Variants in DNAH5 observed in about 807,000 individuals in gnomAD.
DNAH5 encodes the protein axonemal beta dynein heavy chain 5.
A neutral mutation model predicts 518.2 loss-of-function variants in DNAH5; 372 were observed. The ratio of observed to expected loss-of-function variants is 0.72; its 90% CI spans 0.66 to 0.78. The LOEUF is 0.78. Ranked by LOEUF, DNAH5 falls within the 30% of genes least tolerant of loss-of-function variation. DNAH5 has a pLI of 0.00. For synonymous variants in DNAH5, 2,039 were observed against 2,025.9 expected (o/e 1.01, Z -0.17); for missense variants, 5,523 against 5,687.0 (o/e 0.97, Z 0.93).
chr5:13,852,748 C>A (rs887803202), intron 30 of DNAH5, among the ~76,000 whole-genome samples: 2 of 152,064 alleles, frequency 1.3e-5, no homozygotes, highest in Admixed American at 6.5e-5. Context: ...TTAACAAAGC[C>A]GCAAAGAAGT....
intron 52 of DNAH5, among the ~76,000 whole-genome samples, chr5:13,784,217 T>C (rs951687395): frequency 1.1e-4 from 16 of 152,252 alleles, no homozygotes; most frequent in African/African-American, 3.9e-4. Context: ...AGGCTATTTG[T>C]CATGAAATTG....
At chr5:13,803,129 A>C (rs1759038130) in intron 47 of DNAH5, among the ~76,000 whole-genome samples, 1 of 152,156 alleles carries the variant, frequency 6.6e-6, no homozygotes, top group Non-Finnish European at 1.5e-5. Context: ...CTAGCACCTA[A>C]ATCATTTTTC....
chr5:13,971,966 G>A (rs1781902983), intron 1 of DNAH5, among the ~76,000 whole-genome samples: 1 of 152,142 alleles, frequency 6.6e-6, no homozygotes, highest in Admixed American at 6.5e-5. Flanking sequence ...GCGTGTCTGA[G>A]CTCAGACTCT....
intron 64 of DNAH5, among the ~76,000 whole-genome samples, 185 bp downstream of exon 64, chr5:13,751,949 A>G (rs1185147189): frequency 3.3e-5 from 5 of 152,186 alleles, no homozygotes; most frequent in Non-Finnish European, 7.3e-5. Flanking sequence ...AAGTGAAGTC[A>G]ATACTCCTAA....
chr5:13,761,375 C>T (rs143182951), intron 60 of DNAH5, among the ~76,000 whole-genome samples: 411 of 152,210 alleles, frequency 2.7e-3, no homozygotes, highest in South Asian at 7.9e-3. Context: ...GGGCGGATCA[C>T]GAGGTCAGGA....
At position 13,699,857 on chromosome 5, in the gene DNAH5, C is replaced by T. The variant is rs182116961; in HGVS notation, c.13723+783G>A. Among the ~76,000 whole-genome samples, 133 of 152,198 alleles carry T rather than the reference C, an allele frequency of 8.7e-4. 1 individual carries two copies. Among genetic ancestry groups the T allele is most frequent in the African/African-American group, 2.7e-3 (114 of 41,506 alleles). On this transcript the variant is annotated intron_variant, in intron 78 of 78. Transcript: ENST00000265104. ...GAGTTTATGGTTTATGCTTCTAAGA[C>T]GAACAGGGAATTCCCTCGTGTGCTG...
intron 1 of DNAH5, among the ~76,000 whole-genome samples, chr5:13,934,187 G>A (rs1778695567): frequency 6.6e-6 from 1 of 152,172 alleles, no homozygotes; most frequent in Admixed American, 6.5e-5. Context: ...AGACCACATG[G>A]AGGAGAACAA....
chr5:13,718,156 T>C lies in DNAH5; in HGVS notation c.12500-636A>G, dbSNP rs547540876. Among the ~76,000 whole-genome samples the C allele has an allele frequency of 8.3e-4, 126 of 152,330 alleles. 1 individual carries two copies. The highest frequency in any genetic ancestry group is 2.9e-3 in the African/African-American group (122 of 41,592). On this transcript the variant is annotated intron_variant, in intron 72 of 78. Transcript: ENST00000265104. ...GCAGGTTTTCCAGATTGAAATACAA[T>C]AATTATATTTATTATGGTTATCAAA...
intron 25 of DNAH5, among the ~76,000 whole-genome samples, chr5:13,866,544 C>T (rs778491503): frequency 6.6e-6 from 1 of 152,154 alleles, no homozygotes; most frequent in Non-Finnish European, 1.5e-5. Context: ...TTAGGTAACA[C>T]AGGGAAAGAG....
At chr5:13,963,160 C>G (rs527556109) in intron 1 of DNAH5, among the ~76,000 whole-genome samples, 10 of 152,176 alleles carry the variant, frequency 6.6e-5, no homozygotes, top group African/African-American at 1.9e-4. Flanking sequence ...TTTCTTCTTG[C>G]CAGAATAATT....
At chr5:13,914,242 A>G (rs1198104044) in intron 10 of DNAH5, among the ~76,000 whole-genome samples, 1 of 152,038 alleles carries the variant, frequency 6.6e-6, no homozygotes, top group Non-Finnish European at 1.5e-5. Flanking sequence ...CTCTCTCTCC[A>G]TTCATCTTAA....
intron 12 of DNAH5, among the ~76,000 whole-genome samples, chr5:13,907,150 G>A (rs938128040): frequency 1.3e-5 from 2 of 152,054 alleles, no homozygotes; most frequent in Non-Finnish European, 2.9e-5. Context: ...GCAGAACGAG[G>A]CCAGGCACGG....
chr5:13,765,743 A>AT (rs937151332), intron 59 of DNAH5, among the ~76,000 whole-genome samples: 1 of 152,174 alleles, frequency 6.6e-6, no homozygotes, highest in Non-Finnish European at 1.5e-5. Flanking sequence ...TCTTAAAATG[A>AT]TTTTTTTAAC....
chr5:14,007,459 C>T (rs1376104729), intron 1 of DNAH5, among the ~76,000 whole-genome samples: 1 of 152,090 alleles, frequency 6.6e-6, no homozygotes, highest in Non-Finnish European at 1.5e-5. Flanking sequence ...AATCTGGAAG[C>T]GGCTTCAAAA....
chr5:13,844,692 C>T, intron 32 of DNAH5, 145 bp downstream of exon 32: 1 of 972,634 alleles, frequency 1.0e-6, no homozygotes, highest in Non-Finnish European at 1.7e-6. Flanking sequence ...TAAATTGGGC[C>T]CCGAGATTTG....
At chr5:13,954,105 AT>A (rs1353632143) in intron 1 of DNAH5, among the ~76,000 whole-genome samples, 1 of 152,212 alleles carries the variant, frequency 6.6e-6, no homozygotes, top group Non-Finnish European at 1.5e-5. Flanking sequence ...GTAAGTCCAT[AT>A]TTTAGGTGTG....
At chr5:13,878,037 G>A (rs771251704) in intron 21 of DNAH5, among the ~76,000 whole-genome samples, 75 of 152,152 alleles carry the variant, frequency 4.9e-4, no homozygotes, top group Non-Finnish European at 1.0e-3. Context: ...GAGCAGACGG[G>A]ACTGGCATTT....
chr5:13,926,010 A>G (rs762379603), intron 3 of DNAH5, among the ~76,000 whole-genome samples: 1 of 152,186 alleles, frequency 6.6e-6, no homozygotes, highest in Non-Finnish European at 1.5e-5. Context: ...TAGGAACAAA[A>G]TGACTGGGAT....
intron 44 of DNAH5, among the ~76,000 whole-genome samples, chr5:13,810,769 C>A (rs13359205): frequency 0.25 from 31,004 of 122,258 alleles, 3,582 homozygotes; most frequent in East Asian, 0.54. Flanking sequence ...ACAAAACAAA[C>A]AAACAAAAAA....
Sources: gnomAD v4.1 joint callset for allele counts (sites outside exome capture counted in the v4.1 genomes callset) on GRCh38, gnomAD v4.1.1 for gene constraint, MANE v1.5 for transcripts, NCBI Gene and HGNC (gene_info 2026-07-23, HGNC 2026-07-21) for gene names.